The following PDE1C variants were observed in gnomAD, a reference collection of about 807,000 sequenced individuals.
PDE1C encodes the protein dual specificity calcium/calmodulin-dependent 3',5'-cyclic nucleotide phosphodiesterase 1C.
PDE1C carries 62 observed loss-of-function variants against 93.1 expected under a neutral mutation model. The ratio of observed to expected loss-of-function variants is 0.67; its 90% CI spans 0.54 to 0.82. PDE1C has a LOEUF of 0.82. PDE1C is among the 40% of genes least tolerant of loss of function. The pLI is 0.00. For synonymous variants in PDE1C, 325 were observed against 310.1 expected, an observed-to-expected ratio of 1.05 and a Z score of -0.50; for missense variants, 742 against 884.6, an observed-to-expected ratio of 0.84 and a Z score of 2.04.
chr7:32,046,224 A>G (rs1166338272), intron 2 of PDE1C, among the ~76,000 whole-genome samples: 1 of 151,148 alleles, frequency 6.6e-6, no homozygotes, highest in African/African-American at 2.4e-5. Context: ...AAAAAAAAAA[A>G]AGAAAGCCTA....
chr7:32,004,300 A>G (rs1422167258), intron 2 of PDE1C, among the ~76,000 whole-genome samples: 1 of 152,156 alleles, frequency 6.6e-6, no homozygotes, highest in Non-Finnish European at 1.5e-5. Context: ...ACCTCTCGTG[A>G]TCTTATTAAA....
chr7:31,632,485 G>T, the PDE1C span, among the ~76,000 whole-genome samples: 2 of 152,058 alleles, frequency 1.3e-5, no homozygotes, highest in African/African-American at 4.8e-5. Context: ...ATCCATGACA[G>T]GATGGAACCA....
chr7:31,736,683 A>G, the PDE1C span, among the ~76,000 whole-genome samples: 8 of 152,318 alleles, frequency 5.3e-5, no homozygotes, highest in East Asian at 1.3e-3. Context: ...TCCTTCATGC[A>G]AGGTTGAGGT....
chr7:32,422,288 TTTA>T (rs1427403488), intron 1 of PDE1C, among the ~76,000 whole-genome samples: 2 of 152,256 alleles, frequency 1.3e-5, no homozygotes, highest in South Asian at 2.1e-4. Context: ...CACACCAATG[TTTA>T]TTATTATTTT....
the PDE1C span, among the ~76,000 whole-genome samples, chr7:31,661,081 A>T: frequency 7.4e-6 from 1 of 135,486 alleles, no homozygotes; most frequent in Non-Finnish European, 1.6e-5. Context: ...TATCAATAAA[A>T]GCCACAAATA....
the PDE1C span, among the ~76,000 whole-genome samples, chr7:31,623,532 A>G: frequency 2.0e-5 from 3 of 151,852 alleles, no homozygotes; most frequent in Non-Finnish European, 4.4e-5. Flanking sequence ...GATGCAGAAA[A>G]GGCCTTTGAC....
the PDE1C span, among the ~76,000 whole-genome samples, chr7:31,674,375 C>T: frequency 1.8e-3 from 268 of 152,192 alleles, 2 homozygotes; most frequent in African/African-American, 6.1e-3. Flanking sequence ...TGAGTATTTC[C>T]TGTAAAATGC....
intron 1 of PDE1C, among the ~76,000 whole-genome samples, chr7:32,337,705 G>A (rs1361947122): frequency 7.3e-6 from 1 of 136,396 alleles, no homozygotes; most frequent in Non-Finnish European, 1.6e-5. Context: ...CCCTTACAAA[G>A]AGGAGAGGAG....
chr7:32,305,930 TC>T lies in PDE1C; in HGVS notation c.311-96392del, dbSNP rs533468114. 2.5e-3 allele frequency among the ~76,000 whole-genome samples: 388 copies of T among 152,346 alleles called. 1 individual carries two copies. Among genetic ancestry groups the T allele is most frequent in the African/African-American group, 9.0e-3 (376 of 41,570 alleles). ...ATTTGGCTATGTCTCCACCCAAATCTCATCTTGAATTGTAGCTCCTATGATT... is the reference window on the plus strand; with the variant it reads ...ATTTGGCTATGTCTCCACCCAAATCTATCTTGAATTGTAGCTCCTATGATT... On this transcript the variant is annotated intron_variant, in intron 1 of 1. Transcript: ENST00000672256.
At chr7:31,690,261 TA>T in the PDE1C span, among the ~76,000 whole-genome samples, 2 of 152,230 alleles carry the variant, frequency 1.3e-5, no homozygotes, top group Non-Finnish European at 2.9e-5. Flanking sequence ...CAACATTACA[TA>T]AAAATAGCTG....
the PDE1C span, chr7:31,656,417 C>A: frequency 1.6e-6 from 1 of 634,734 alleles, no homozygotes; most frequent in Non-Finnish European, 2.0e-6. Context: ...AGTGTTTAAT[C>A]CAATGTCCAT....
At chr7:31,876,937 G>T (rs373613091) in intron 5 of PDE1C, among the ~76,000 whole-genome samples, 1 of 152,150 alleles carries the variant, frequency 6.6e-6, no homozygotes, top group Non-Finnish European at 1.5e-5. Context: ...AAAGGCCTAT[G>T]AATACATAAT....
intron 2 of PDE1C, among the ~76,000 whole-genome samples, chr7:31,992,221 G>A (rs560329165): frequency 6.6e-6 from 1 of 152,312 alleles, no homozygotes; most frequent in South Asian, 2.1e-4. Context: ...AACACTTCCT[G>A]TGTGTGCACA....
At chr7:32,296,807 CT>C (rs1344072095) in intron 1 of PDE1C, among the ~76,000 whole-genome samples, 25 of 152,342 alleles carry the variant, frequency 1.6e-4, no homozygotes, top group Admixed American at 1.6e-3. Context: ...ATACTTTTGA[CT>C]TTGGCAACCT....
At chr7:31,848,245 A>G in intron 8 of PDE1C, 149 bp from the exon 9 acceptor site, 1 of 683,056 alleles carries the variant, frequency 1.5e-6, no homozygotes, top group South Asian at 1.9e-5. Context: ...AAGCTCAACT[A>G]ACACTACAAA....
chr7:32,015,474 T>C (rs144038330), intron 2 of PDE1C, among the ~76,000 whole-genome samples: 2 of 152,146 alleles, frequency 1.3e-5, no homozygotes, highest in African/African-American at 2.4e-5. Context: ...AGATAAAACA[T>C]GCAGCGGAAA....
At chr7:31,688,129 G>A in the PDE1C span, among the ~76,000 whole-genome samples, 15 of 152,136 alleles carry the variant, frequency 9.9e-5, no homozygotes, top group East Asian at 1.9e-4. Flanking sequence ...TCACACTCAC[G>A]AAAATATCAG....
chr7:31,855,043 G>A (rs1197513333), intron 7 of PDE1C, among the ~76,000 whole-genome samples: 1 of 144,556 alleles, frequency 6.9e-6, no homozygotes, highest in Non-Finnish European at 1.5e-5. Flanking sequence ...CTCCAGCCTG[G>A]GTGACAGAGC....
At chr7:31,874,515 C>G (rs576849361) in intron 5 of PDE1C, among the ~76,000 whole-genome samples, 2 of 152,362 alleles carry the variant, frequency 1.3e-5, no homozygotes, top group Non-Finnish European at 2.9e-5. Flanking sequence ...CCAGCCCTCA[C>G]TGAATTCCAA....
Sources: allele counts gnomAD v4.1 joint callset (sites outside exome capture counted in the v4.1 genomes callset), GRCh38; gene constraint gnomAD v4.1.1; transcripts MANE v1.5; gene names NCBI Gene and HGNC (gene_info 2026-07-23, HGNC 2026-07-21).